Variants in LNX1 observed in about 807,000 individuals in gnomAD.
The protein encoded by LNX1 is ligand of numb-protein X 1, also known as E3 ubiquitin-protein ligase LNX.
A neutral mutation model predicts 68.4 loss-of-function variants in LNX1; 54 were observed. That is an observed-to-expected ratio of 0.79 (90% CI 0.63 to 0.99). The LOEUF (loss-of-function observed/expected upper bound fraction) is 0.99, where lower values mean the gene tolerates loss of function less well. LNX1 is among the 50% of genes least tolerant of loss of function. The pLI, the probability that LNX1 is intolerant of heterozygous loss-of-function variation, is 0.00. For synonymous variants in LNX1, 336 were observed against 350.0 expected (o/e 0.96, Z 0.45); for missense variants, 906 against 926.4 (o/e 0.98, Z 0.29).
At chr4:53,635,581 G>C (rs1734440880) in intron 1 of LNX1, among the ~76,000 whole-genome samples, 1 of 151,972 alleles carries the variant, frequency 6.6e-6, no homozygotes, top group Non-Finnish European at 1.5e-5. Context: ...TATTAGCTCT[G>C]TTTTATGCTT....
intron 9 of LNX1, among the ~76,000 whole-genome samples, chr4:53,464,377 A>G (rs573891681): frequency 7.2e-6 from 1 of 137,980 alleles, no homozygotes; most frequent in Non-Finnish European, 1.6e-5. Flanking sequence ...TTTATTGTAG[A>G]CTAATACTTT....
At chr4:53,608,298 G>A (rs1173335143) in intron 2 of LNX1, among the ~76,000 whole-genome samples, 2 of 152,088 alleles carry the variant, frequency 1.3e-5, no homozygotes, top group African/African-American at 4.8e-5. Context: ...TAAAAAGTAG[G>A]CAAAATAAAT....
intron 1 of LNX1, among the ~76,000 whole-genome samples, chr4:53,579,784 T>C (rs746931146): frequency 2.0e-5 from 3 of 152,156 alleles, no homozygotes; most frequent in African/African-American, 7.2e-5. Flanking sequence ...TTATAGAAAA[T>C]GGTTATCAGA....
At chr4:53,561,530 G>C (rs764512763) in intron 2 of LNX1, among the ~76,000 whole-genome samples, 3 of 152,162 alleles carry the variant, frequency 2.0e-5, no homozygotes, top group African/African-American at 7.2e-5. Flanking sequence ...CTGGCCCTCC[G>C]TGTATTTTTT....
intron 1 of LNX1, among the ~76,000 whole-genome samples, chr4:53,637,046 C>A (rs567386074): frequency 3.1e-4 from 47 of 150,040 alleles, no homozygotes; most frequent in African/African-American, 1.1e-3. Flanking sequence ...ACTGAATTAC[C>A]GCCTCAATTG....
At chr4:53,567,453 C>A (rs1417850218) in intron 2 of LNX1, among the ~76,000 whole-genome samples, 1 of 152,036 alleles carries the variant, frequency 6.6e-6, no homozygotes, top group Non-Finnish European at 1.5e-5. Context: ...CCAATGAGAA[C>A]AAAGACACAA....
intron 2 of LNX1, among the ~76,000 whole-genome samples, chr4:53,532,342 G>A (rs995276290): frequency 6.6e-6 from 1 of 152,274 alleles, no homozygotes; most frequent in Admixed American, 6.5e-5. Flanking sequence ...CGGGCGTGTT[G>A]GCACGCACTG....
At chr4:53,545,801 C>CTTTTTTTTTTTTTTTTTT (rs1560657367) in intron 2 of LNX1, among the ~76,000 whole-genome samples, 1 of 116,800 alleles carries the variant, frequency 8.6e-6, no homozygotes, top group African/African-American at 3.2e-5. Flanking sequence ...TCAGAGGCCA[C>CTTTTTTTTTTTTTTTTTT]ATTTTTTTTT....
chr4:53,625,346 A>G (rs1363314327), intron 1 of LNX1, among the ~76,000 whole-genome samples: 2 of 152,230 alleles, frequency 1.3e-5, no homozygotes, highest in Non-Finnish European at 2.9e-5. Context: ...TGTTCACAAT[A>G]TATACAGAAC....
rs184676839 is a variant in LNX1, at chr4:53,554,375, T to A, written c.380+19248A>T. Among the ~76,000 whole-genome samples the A allele has an allele frequency of 3.1e-3, 470 of 152,352 alleles. 2 individuals carry two copies. The highest frequency in any genetic ancestry group is 4.9e-3 in the Non-Finnish European group (334 of 68,034). On this transcript the variant is annotated intron_variant, in intron 2 of 10. Transcript: ENST00000263925. ...AACATTACGAATTGGTTTGGCCAAG[T>A]CGTTATAAACTATTGGCCCTCAAGG...
At chr4:53,497,654 T>G (rs1211585075) in intron 5 of LNX1, among the ~76,000 whole-genome samples, 1 of 152,180 alleles carries the variant, frequency 6.6e-6, no homozygotes, top group East Asian at 1.9e-4. Context: ...ATCAAAATGT[T>G]TTGTTATGCA....
At position 53,460,720 on chromosome 4, in the gene LNX1, G is replaced by A. The variant is rs1162202415; in HGVS notation, c.*187C>T. ...AATCCTCCACACTGAAAAAAAACTA[G>A]TAGTTTTAATTTTTTTGGAATCATA... On this transcript the variant is annotated 3_prime_UTR_variant, in exon 11 of 11. Coordinates refer to ENST00000263925, the MANE Select transcript of LNX1 (RefSeq NM_001126328.3). The A allele has an allele frequency of 1.8e-6, 1 of 555,688 alleles. No individual in the cohort carries two copies. 34.4% of individuals were successfully genotyped at this position (555,688 alleles called of 1,614,324 possible).
intron 2 of LNX1, among the ~76,000 whole-genome samples, chr4:53,546,016 A>G (rs1489036176): frequency 6.6e-6 from 1 of 152,032 alleles, no homozygotes; most frequent in African/African-American, 2.4e-5. Context: ...CATGTTGGCC[A>G]GGCTGGTCTC....
intron 2 of LNX1, among the ~76,000 whole-genome samples, chr4:53,601,488 T>C (rs1391826126): frequency 6.6e-6 from 1 of 152,214 alleles, no homozygotes; most frequent in Non-Finnish European, 1.5e-5. Flanking sequence ...CCAGTCCTTC[T>C]AAGTGATTAG....
chr4:53,541,488 TAA>T (rs1728763491), intron 2 of LNX1, among the ~76,000 whole-genome samples: 1 of 151,978 alleles, frequency 6.6e-6, no homozygotes, highest in Admixed American at 6.6e-5. Flanking sequence ...ATTTTTTTTC[TAA>T]AAGAGACTTA....
chr4:53,550,442 C>T (rs550882970), intron 2 of LNX1, among the ~76,000 whole-genome samples: 1 of 152,300 alleles, frequency 6.6e-6, no homozygotes, highest in Admixed American at 6.5e-5. Context: ...ATCCAGGGAT[C>T]AGCAACACTT....
chr4:53,505,936 T>C (rs1725840326), intron 4 of LNX1, among the ~76,000 whole-genome samples: 1 of 152,068 alleles, frequency 6.6e-6, no homozygotes, highest in Non-Finnish European at 1.5e-5. Context: ...TATACAGCAT[T>C]TATAGGACTG....
chr4:53,473,814 A>C (rs1273016589), intron 9 of LNX1, among the ~76,000 whole-genome samples: 4 of 152,228 alleles, frequency 2.6e-5, no homozygotes, highest in African/African-American at 9.6e-5. Context: ...ATAAAAGTTA[A>C]AAGCCAAGAA....
rs146168883 is a variant in LNX1, at chr4:53,591,034, G to C, written c.-87+354C>G. ...ACTGGCCTCCTAGCCCCCGTTAAAC[G>C]GGCTGAACAGATCTGCACCTTCGCG... On this transcript the variant is annotated intron_variant, in intron 1 of 10. Coordinates refer to ENST00000263925, the MANE Select transcript of LNX1 (RefSeq NM_001126328.3). Among the ~76,000 whole-genome samples, 1,082 of 152,274 alleles carry C rather than the reference G, an allele frequency of 7.1e-3. 12 individuals are homozygous for C. Among genetic ancestry groups the C allele is most frequent in the African/African-American group, 0.025 (1,020 of 41,552 alleles).
Sources: gnomAD v4.1 joint callset for allele counts (sites outside exome capture counted in the v4.1 genomes callset) on GRCh38, gnomAD v4.1.1 for gene constraint, MANE v1.5 for transcripts, NCBI Gene and HGNC (gene_info 2026-07-23, HGNC 2026-07-21) for gene names.